The following TNC variants were observed in gnomAD, a reference collection of about 807,000 sequenced individuals.
TNC encodes the protein tenascin C, also known as tenascin.
A neutral mutation model predicts 202.4 loss-of-function variants in TNC; 109 were observed. The observed-to-expected ratio is 0.54, with a 90% CI of 0.46 to 0.63. The LOEUF (loss-of-function observed/expected upper bound fraction) is 0.63. TNC is among the 30% of genes least tolerant of loss of function. TNC has a pLI of 0.00. For missense variants in TNC, 2,756 were observed against 2,833.3 expected, an observed-to-expected ratio of 0.97 and a Z score of 0.62; for synonymous variants, 1,007 against 1,089.7, an observed-to-expected ratio of 0.92 and a Z score of 1.50.
chr9:115,036,090 C>G lies in TNC; in HGVS notation c.5656+8G>C. On this transcript the variant is annotated splice_region_variant and intron_variant, in intron 21 of 27. Transcript: ENST00000350763. ...AGGGAGAGCTTCCAGCTCTCAGTGT[C>G]TTTGTACCTGTTGTGAACTTGGCAG... 1.2e-6 allele frequency: 2 copies of G among 1,614,134 alleles called. No homozygotes were observed. The highest frequency in any genetic ancestry group is 2.2e-5 in the East Asian group (1 of 44,880).
Position 115,084,249 on chromosome 9 carries a change from C to T in TNC, c.2091G>A (p.Glu697=), listed in dbSNP as rs1159864025. The T allele has an allele frequency of 1.2e-6, 2 of 1,614,072 alleles. No individual in the cohort carries two copies. Among genetic ancestry groups the T allele is most frequent in the East Asian group, 4.5e-5 (2 of 44,884 alleles). The change falls in exon 4 of 28, where the codon GAG becomes GAA. Residue 697 remains glutamate (E), a synonymous_variant. Transcript: ENST00000350763. ...EYFIRVFAIL[E]NKKSIPVSAR... is the part of the protein sequence containing the mutation. ...CGCTGACAGGAATGCTCTTCTTGTT[C>T]TCCAGGATGGCAAATACACGGATAA...
In TNC at chr9:115,072,834, C is replaced by T. The variant is rs897891799; in HGVS notation, c.3214+769G>A. ...GGAAAAGTAACATTTTCCACCTATA[C>T]ATTTCGAATATTTGGTGGCCAAAAT... On this transcript the variant is annotated intron_variant, in intron 10 of 27. Coordinates refer to ENST00000350763, the MANE Select transcript of TNC (RefSeq NM_002160.4). 3.3e-5 allele frequency among the ~76,000 whole-genome samples: 5 copies of T among 152,298 alleles called. 1 individual carries two copies. The East Asian group carries it at 7.7e-4, about 24-fold the overall frequency.
rs1402720731 is a variant in TNC at position 115,052,736 on chromosome 9, G to A, written c.4580-4204C>T. 5.7e-6 allele frequency: 4 copies of A among 700,580 alleles called. No individual in the cohort carries two copies. In the Admixed American group the frequency reaches 6.0e-5, roughly 11 times the overall value. The allele number at this position is 700,580 out of a possible 1,614,324, so 43.4% of individuals were successfully genotyped here. On this transcript the variant is annotated intron_variant, in intron 15 of 27. Coordinates refer to ENST00000350763, the MANE Select transcript of TNC (RefSeq NM_002160.4). Reference sequence around the variant, plus strand: ...TAGACAAGTGAGAACCTCTGATTGAGTACCTGTAATGACAAAGGCAGTGAG... The same window carrying A: ...TAGACAAGTGAGAACCTCTGATTGAATACCTGTAATGACAAAGGCAGTGAG...
intron 19 of TNC, among the ~76,000 whole-genome samples, chr9:115,038,987 C>T (rs1030085928): frequency 3.3e-5 from 5 of 152,144 alleles, no homozygotes; most frequent in African/African-American, 1.2e-4. Context: ...ACCACCAAGC[C>T]CAGCTAACTT....
intron 27 of TNC, among the ~76,000 whole-genome samples, chr9:115,023,476 G>A (rs57398199): frequency 0.16 from 24,770 of 152,212 alleles, 2,187 homozygotes; most frequent in African/African-American, 0.22. Flanking sequence ...GGGGCTGGAA[G>A]TGGGGAGAGC....
In TNC at chr9:115,046,606, A is replaced by G; in HGVS notation, c.4929T>C (p.Asp1643=). 1 of 1,614,054 alleles carries G rather than the reference A, an allele frequency of 6.2e-7. No individual in the cohort carries two copies. The change falls in exon 17 of 28, where the codon GAT becomes GAC. Residue 1643 remains aspartate, a synonymous_variant. Coordinates refer to ENST00000350763, the MANE Select transcript of TNC (RefSeq NM_002160.4). ...PDGFRLSWTA[D]EGVFDNFVLK... ...GAACAAAATTGTCGAAGACCCCTTC[A>G]TCAGCTGTCCAGGACAGACGGAAAC... is the stretch of plus-strand genomic sequence containing the variant.
chr9:115,116,351 A>G (rs1837465410), intron 1 of TNC, among the ~76,000 whole-genome samples: 1 of 152,198 alleles, frequency 6.6e-6, no homozygotes, highest in Admixed American at 6.5e-5. Context: ...CTTCCCCACA[A>G]AGCAGTCACC....
chr9:115,065,091 C>A (rs1359073072), intron 10 of TNC, among the ~76,000 whole-genome samples, 172 bp from the exon 11 acceptor site: 1 of 152,130 alleles, frequency 6.6e-6, no homozygotes, highest in Non-Finnish European at 1.5e-5. Context: ...ACCAGCAGGA[C>A]AACAATGTCA....
chr9:115,104,534 G>T (rs997275489), intron 1 of TNC, among the ~76,000 whole-genome samples: 1 of 152,126 alleles, frequency 6.6e-6, no homozygotes, highest in Non-Finnish European at 1.5e-5. Flanking sequence ...TTATCTGCTG[G>T]GGAGCCTTGG....
In TNC at chr9:115,039,813, G is replaced by A. The variant is rs541268299; in HGVS notation, c.5392+1128C>T. On this transcript the variant is annotated intron_variant, in intron 19 of 27. Transcript: ENST00000350763. The stretch of plus-strand genomic sequence containing the variant: ...ACAATGGGGCATTGGGAGGAACTAC[G>A]TTCAGCTTTTGCCATCTGTTGCCGT... 1.7e-4 allele frequency among the ~76,000 whole-genome samples: 26 copies of A among 152,354 alleles called. No individual in the cohort carries two copies. In the South Asian group the frequency reaches 3.9e-3, roughly 23 times the overall value.
At chr9:115,075,189 C>T (rs1833750941) in intron 9 of TNC, among the ~76,000 whole-genome samples, 1 of 151,896 alleles carries the variant, frequency 6.6e-6, no homozygotes, top group African/African-American at 2.4e-5. Flanking sequence ...GCAGTGCAAA[C>T]TTCCCAGAAA....
chr9:115,020,354 A>G lies in TNC; in HGVS notation c.*803T>C, dbSNP rs1828975826. 1 of 160,130 alleles carries G rather than the reference A, an allele frequency of 6.2e-6. No individual in the cohort carries two copies. The highest frequency in any genetic ancestry group is 2.4e-5 in the African/African-American group (1 of 41,390). 9.9% of individuals were successfully genotyped at this position (160,130 alleles called of 1,614,324 possible). A position where few individuals can be genotyped will look rare whatever the true frequency, so the allele number is the denominator to read the frequency against. Reference sequence around the variant, plus strand: ...AGGCCTGGCCTGTAAGCTTTTCCCAAGTGTGTTCAACTTTATTTAAAAAAA... The same window carrying G: ...AGGCCTGGCCTGTAAGCTTTTCCCAGGTGTGTTCAACTTTATTTAAAAAAA... On this transcript the variant is annotated 3_prime_UTR_variant, in exon 28 of 28. Coordinates refer to ENST00000350763, the MANE Select transcript of TNC (RefSeq NM_002160.4).
At chr9:115,048,565 T>TTAGCAGCACTGACTCTGTCAGGA in intron 15 of TNC, 33 bp from the exon 16 acceptor site, 2 of 1,590,894 alleles carry the variant, frequency 1.3e-6, no homozygotes, top group Non-Finnish European at 1.7e-6. Context: ...ATAACTCAGG[T>TTAGCAGCACTGACTCTGTCAGGA]TAGCAGCACT....
intron 1 of TNC, among the ~76,000 whole-genome samples, chr9:115,113,518 C>A (rs993506576): frequency 6.6e-6 from 1 of 152,088 alleles, no homozygotes; most frequent in Non-Finnish European, 1.5e-5. Flanking sequence ...ACATTCTTGT[C>A]GAAGTTAGCA....
intron 10 of TNC, among the ~76,000 whole-genome samples, chr9:115,065,353 G>A (rs182930382): frequency 6.2e-4 from 95 of 152,262 alleles, no homozygotes; most frequent in Admixed American, 4.2e-3. Context: ...CTGAGATGGC[G>A]CCATTGCACT....
intron 13 of TNC, among the ~76,000 whole-genome samples, chr9:115,062,226 A>G (rs749201104): frequency 3.3e-5 from 5 of 152,178 alleles, no homozygotes; most frequent in Non-Finnish European, 4.4e-5. Flanking sequence ...TCATTAACTT[A>G]TTTATTGCTC....
intron 15 of TNC, among the ~76,000 whole-genome samples, chr9:115,049,306 G>A (rs943790559): frequency 6.6e-6 from 1 of 152,100 alleles, no homozygotes; most frequent in Non-Finnish European, 1.5e-5. Flanking sequence ...ATATCCAAAA[G>A]GAGTGAGCTT....
intron 15 of TNC, among the ~76,000 whole-genome samples, chr9:115,051,528 CTTTTTTTTCT>C (rs1209955093): frequency 2.9e-4 from 26 of 90,708 alleles, no homozygotes; most frequent in African/African-American, 8.7e-4. Flanking sequence ...TTTCTTTTTT[CTTTTTTTTCT>C]TTTTTTTTTT....
At chr9:115,109,145 G>T (rs1836848601) in intron 1 of TNC, among the ~76,000 whole-genome samples, 2 of 152,174 alleles carry the variant, frequency 1.3e-5, no homozygotes, top group South Asian at 2.1e-4. Context: ...TGATTCCCAT[G>T]AGAATGCTTT....
Sources: gnomAD v4.1 joint callset for allele counts (sites outside exome capture counted in the v4.1 genomes callset) on GRCh38, gnomAD v4.1.1 for gene constraint, MANE v1.5 for transcripts, NCBI Gene and HGNC (gene_info 2026-07-23, HGNC 2026-07-21) for gene names.